The following MPP7 variants were observed in gnomAD, a reference collection of about 807,000 sequenced individuals.
MPP7 encodes MAGUK p55 subfamily member 7.
In MPP7, 60 loss-of-function variants were observed where a neutral mutation model predicts 76.5. That is an observed-to-expected ratio of 0.78 (90% CI 0.64 to 0.97). MPP7 has a LOEUF of 0.97. MPP7 is among the 50% of genes least tolerant of loss of function. The pLI, the probability that MPP7 is intolerant of heterozygous loss-of-function variation, is 0.00. For missense variants in MPP7, 641 were observed against 694.0 expected (o/e 0.92, Z 0.86); for synonymous variants, 237 against 244.5 (o/e 0.97, Z 0.29).
intron 1 of MPP7, among the ~76,000 whole-genome samples, chr10:28,297,453 C>T (rs1220830420): frequency 6.6e-6 from 1 of 152,152 alleles, no homozygotes; most frequent in Non-Finnish European, 1.5e-5. Context: ...AATCCTAACA[C>T]TTTGGGAGGC....
At chr10:28,090,219 C>T (rs925079285) in intron 11 of MPP7, among the ~76,000 whole-genome samples, 12 of 152,098 alleles carry the variant, frequency 7.9e-5, no homozygotes, top group Non-Finnish European at 1.0e-4. Flanking sequence ...GTTTAGCTTC[C>T]CAAAGTGTTG....
chr10:28,299,262 C>T (rs768437388), intron 1 of MPP7, among the ~76,000 whole-genome samples: 9 of 152,072 alleles, frequency 5.9e-5, no homozygotes, highest in East Asian at 3.8e-4. Flanking sequence ...GGGAGACACG[C>T]GACTCTCCAT....
At chr10:28,099,699 C>T (rs1389362194) in intron 11 of MPP7, among the ~76,000 whole-genome samples, 2 of 151,874 alleles carry the variant, frequency 1.3e-5, no homozygotes, top group African/African-American at 2.4e-5. Context: ...CCCAGCTACT[C>T]GGGAGGCTGA....
chr10:28,308,222 G>A (rs1414273881), intron 2 of MPP7, among the ~76,000 whole-genome samples: 2 of 152,130 alleles, frequency 1.3e-5, no homozygotes, highest in African/African-American at 2.4e-5. Context: ...CATACTTTAC[G>A]CCCATGGTTG....
chr10:28,308,547 G>C (rs1430051671), intron 2 of MPP7, among the ~76,000 whole-genome samples: 1 of 152,196 alleles, frequency 6.6e-6, no homozygotes, highest in Non-Finnish European at 1.5e-5. Context: ...GCACTTTTAA[G>C]AGTCACCAAG....
intron 2 of MPP7, among the ~76,000 whole-genome samples, chr10:28,325,485 A>G (rs1834402254): frequency 6.6e-6 from 1 of 151,172 alleles, no homozygotes; most frequent in South Asian, 2.1e-4. Flanking sequence ...ATCCCATTTC[A>G]TTTCTTTTTC....
In MPP7 at chr10:28,051,310, T is replaced by G. The variant is rs181332713; in HGVS notation, c.*2755A>C. On this transcript the variant is annotated 3_prime_UTR_variant, in exon 17 of 17. Transcript: ENST00000683449. ...TTTTGTAAGTCTGAGAAGGTTATGT[T>G]TGTCAGTTTCAAATTATTACAGTTT... is the stretch of plus-strand genomic sequence containing the variant. The G allele has an allele frequency of 6.6e-6, 1 of 152,190 alleles. No homozygotes were observed. Among genetic ancestry groups the G allele is most frequent in the Non-Finnish European group, 1.5e-5 (1 of 68,028 alleles). 9.4% of individuals were successfully genotyped at this position (152,190 alleles called of 1,614,324 possible).
chr10:28,220,274 G>A (rs951664735), intron 2 of MPP7, among the ~76,000 whole-genome samples: 8 of 152,032 alleles, frequency 5.3e-5, no homozygotes, highest in East Asian at 3.9e-4. Context: ...AAATAAATAC[G>A]ATGGTAGTTT....
chr10:28,184,174 CTA>C (rs1339248876), intron 3 of MPP7, among the ~76,000 whole-genome samples: 1 of 133,880 alleles, frequency 7.5e-6, no homozygotes, highest in African/African-American at 2.9e-5. Context: ...ATATTAAGAT[CTA>C]TGTCTTTATA....
At chr10:28,287,886 T>C (rs945543345) in intron 1 of MPP7, among the ~76,000 whole-genome samples, 3 of 152,312 alleles carry the variant, frequency 2.0e-5, no homozygotes, top group Admixed American at 1.3e-4. Context: ...TTTACTGATA[T>C]GGTTTCAGAT....
chr10:28,189,041 A>G (rs1837323246), intron 3 of MPP7, among the ~76,000 whole-genome samples: 2 of 152,200 alleles, frequency 1.3e-5, no homozygotes, highest in African/African-American at 4.8e-5. Context: ...GAAGGACATC[A>G]GAGAAAAAAT....
At chr10:28,182,992 C>T (rs1313865836) in intron 3 of MPP7, among the ~76,000 whole-genome samples, 2 of 152,158 alleles carry the variant, frequency 1.3e-5, no homozygotes, top group East Asian at 1.9e-4. Context: ...GCAAGAGAAT[C>T]GCTTGAACCT....
intron 3 of MPP7, among the ~76,000 whole-genome samples, chr10:28,162,590 G>A (rs1202354737): frequency 1.3e-5 from 2 of 152,184 alleles, no homozygotes; most frequent in Non-Finnish European, 2.9e-5. Context: ...ACAGTGGGGA[G>A]CAGGTTATTA....
chr10:28,155,525 G>A (rs1836024998), intron 3 of MPP7, among the ~76,000 whole-genome samples: 1 of 150,720 alleles, frequency 6.6e-6, no homozygotes, highest in African/African-American at 2.5e-5. Context: ...TTGAGCCCAG[G>A]AAGTGGAGGT....
chr10:28,226,814 T>G (rs762543489), intron 2 of MPP7, among the ~76,000 whole-genome samples: 4 of 152,128 alleles, frequency 2.6e-5, no homozygotes, highest in African/African-American at 9.7e-5. Context: ...CCCATAAAGA[T>G]TCTAAAATGA....
intron 1 of MPP7, among the ~76,000 whole-genome samples, chr10:28,290,597 C>A (rs573164778): frequency 1.3e-5 from 2 of 152,252 alleles, no homozygotes; most frequent in Non-Finnish European, 2.9e-5. Flanking sequence ...CTCGGCCTCC[C>A]GAGTAGCTGG....
At chr10:28,149,261 C>T (rs1343538477) in intron 4 of MPP7, among the ~76,000 whole-genome samples, 2 of 152,174 alleles carry the variant, frequency 1.3e-5, no homozygotes, top group Non-Finnish European at 2.9e-5. Context: ...CGGGTTATCA[C>T]TAAAACCAGC....
intron 2 of MPP7, among the ~76,000 whole-genome samples, chr10:28,318,747 G>A (rs561447565): frequency 5.9e-5 from 9 of 152,290 alleles, no homozygotes; most frequent in African/African-American, 1.7e-4. Flanking sequence ...TAGATACATA[G>A]CCCTGCCCTT....
chr10:28,122,439 C>A (rs1307502931), intron 8 of MPP7, among the ~76,000 whole-genome samples: 7 of 152,036 alleles, frequency 4.6e-5, no homozygotes, highest in Non-Finnish European at 7.4e-5. Context: ...GATTAATTTC[C>A]AACTAAAGGG....
Sources: gnomAD v4.1 joint callset for allele counts (sites outside exome capture counted in the v4.1 genomes callset) on GRCh38, gnomAD v4.1.1 for gene constraint, MANE v1.5 for transcripts, NCBI Gene and HGNC (gene_info 2026-07-23, HGNC 2026-07-21) for gene names.